Variants in LRP1B observed in about 807,000 individuals in gnomAD.
The protein encoded by LRP1B is low-density lipoprotein receptor-related protein 1B.
A neutral mutation model predicts 556.6 loss-of-function variants in LRP1B; 217 were observed. That is an observed-to-expected ratio of 0.39 (90% CI 0.35 to 0.44). The LOEUF is 0.44. Among genes scored for constraint, LRP1B ranks in the 20% least tolerant of loss-of-function variants. The pLI is 1.00. For missense variants in LRP1B, 5,053 were observed against 5,620.8 expected (o/e 0.90, Z 3.23); for synonymous variants, 2,047 against 1,865.8 (o/e 1.10, Z -2.50).
intron 59 of LRP1B, among the ~76,000 whole-genome samples, chr2:140,480,592 C>T (rs1249711981): frequency 6.6e-6 from 1 of 151,858 alleles, no homozygotes; most frequent in Non-Finnish European, 1.5e-5. Context: ...AGGCCCGTGC[C>T]ACCAAGCCCG....
chr2:140,646,536 G>T (rs13018292), intron 41 of LRP1B, among the ~76,000 whole-genome samples: 11,131 of 152,182 alleles, frequency 0.073, 520 homozygotes, highest in East Asian at 0.18. Flanking sequence ...TTTGATGCCA[G>T]TCTATGCACT....
At chr2:142,056,833 C>T (rs1704691950) in intron 1 of LRP1B, among the ~76,000 whole-genome samples, 1 of 152,048 alleles carries the variant, frequency 6.6e-6, no homozygotes, top group Admixed American at 6.6e-5. Flanking sequence ...TCTCCCATAT[C>T]TTTCTTCCCC....
chr2:140,571,336 C>CA (rs1681314188), intron 43 of LRP1B, among the ~76,000 whole-genome samples: 2 of 151,592 alleles, frequency 1.3e-5, no homozygotes, highest in African/African-American at 2.4e-5. Context: ...GATTAAAATA[C>CA]AAAAAATGGT....
At chr2:141,056,002 A>G (rs1037677749) in intron 9 of LRP1B, among the ~76,000 whole-genome samples, 1 of 151,828 alleles carries the variant, frequency 6.6e-6, no homozygotes, top group Admixed American at 6.6e-5. Flanking sequence ...GGAATAATAT[A>G]AGTAAGATTT....
chr2:141,104,420 G>A (rs1176043544), intron 7 of LRP1B, among the ~76,000 whole-genome samples: 1 of 152,088 alleles, frequency 6.6e-6, no homozygotes, highest in Non-Finnish European at 1.5e-5. Context: ...ATCGTGACTG[G>A]TGGAACTATC....
At chr2:142,115,829 TC>T (rs56008588) in intron 1 of LRP1B, among the ~76,000 whole-genome samples, 2,317 of 8,440 alleles carry the variant, frequency 0.27, 1,008 homozygotes, top group East Asian at 0.91. Context: ...GTAATATATA[TC>T]ATATATATGT....
intron 31 of LRP1B, among the ~76,000 whole-genome samples, chr2:140,833,462 G>C (rs534153045): frequency 1.5e-4 from 23 of 152,196 alleles, no homozygotes; most frequent in African/African-American, 3.9e-4. Context: ...GTTTTTATTA[G>C]TGTTTCTTAA....
At chr2:140,826,669 T>C (rs1691519863) in intron 31 of LRP1B, among the ~76,000 whole-genome samples, 1 of 152,224 alleles carries the variant, frequency 6.6e-6, no homozygotes, top group Middle Eastern at 3.4e-3. Flanking sequence ...CCTAGACTCA[T>C]GGTTTCTGCA....
chr2:141,901,829 T>A (rs938570159), intron 1 of LRP1B, among the ~76,000 whole-genome samples: 1 of 151,902 alleles, frequency 6.6e-6, no homozygotes, highest in African/African-American at 2.4e-5. Flanking sequence ...CAGTGCAACA[T>A]AATAATTAAT....
chr2:141,951,570 T>G (rs1001504150), intron 1 of LRP1B, among the ~76,000 whole-genome samples: 6 of 152,274 alleles, frequency 3.9e-5, no homozygotes, highest in African/African-American at 1.4e-4. Context: ...ACAGTTAGTA[T>G]AATATATAAG....
intron 7 of LRP1B, among the ~76,000 whole-genome samples, chr2:141,082,071 A>G (rs9287303): frequency 0.02 from 3,097 of 152,256 alleles, 111 homozygotes; most frequent in African/African-American, 0.07. Flanking sequence ...AGATAAAGGA[A>G]CAGTTCTCTG....
chr2:140,381,447 C>G (rs117256296), intron 67 of LRP1B, among the ~76,000 whole-genome samples: 2 of 152,046 alleles, frequency 1.3e-5, no homozygotes, highest in African/African-American at 2.4e-5. Flanking sequence ...GAACTCTACA[C>G]GGGAACAATT....
At position 141,936,166 on chromosome 2, in the gene LRP1B, T is replaced by C. The variant is rs1158392031; in HGVS notation, c.83-125765A>G. Among the ~76,000 whole-genome samples the C allele has an allele frequency of 5.3e-5, 8 of 152,288 alleles. 1 individual carries two copies. In the South Asian group the frequency reaches 1.2e-3, roughly 24 times the overall value. The stretch of plus-strand genomic sequence containing the variant: ...TCTGTATAAGATCAGACACAAGATA[T>C]GTTTTTTCCTTCTACCAAAGGCATT... On this transcript the variant is annotated intron_variant, in intron 1 of 90. Transcript: ENST00000389484.
chr2:141,988,878 T>TA (rs1223737801), intron 1 of LRP1B, among the ~76,000 whole-genome samples: 3 of 152,078 alleles, frequency 2.0e-5, no homozygotes, highest in Non-Finnish European at 4.4e-5. Flanking sequence ...ATATCATTAC[T>TA]AATATAACAG....
At chr2:141,107,243 G>A (rs910662018) in intron 7 of LRP1B, among the ~76,000 whole-genome samples, 3 of 151,890 alleles carry the variant, frequency 2.0e-5, no homozygotes, top group Admixed American at 6.6e-5. Flanking sequence ...AAATTATGGA[G>A]ATAAAAATAA....
intron 31 of LRP1B, among the ~76,000 whole-genome samples, chr2:140,828,931 G>A (rs1691619332): frequency 6.6e-6 from 1 of 151,814 alleles, no homozygotes; most frequent in Non-Finnish European, 1.5e-5. Flanking sequence ...GTAAAGAGAT[G>A]GAAGAAGATA....
chr2:141,068,782 C>A (rs1438368488), intron 7 of LRP1B, among the ~76,000 whole-genome samples: 1 of 151,908 alleles, frequency 6.6e-6, no homozygotes, highest in African/African-American at 2.4e-5. Flanking sequence ...GACTTCCTTA[C>A]CCTCACTATC....
At chr2:140,326,971 T>C (rs893330415) in intron 79 of LRP1B, among the ~76,000 whole-genome samples, 2 of 152,168 alleles carry the variant, frequency 1.3e-5, no homozygotes, top group Non-Finnish European at 2.9e-5. Flanking sequence ...GAAAGTAAAC[T>C]TCCTTCAATA....
At chr2:140,597,903 G>A (rs931344784) in intron 43 of LRP1B, among the ~76,000 whole-genome samples, 2 of 152,126 alleles carry the variant, frequency 1.3e-5, no homozygotes, top group African/African-American at 2.4e-5. Flanking sequence ...GTGGAGGCAT[G>A]AGGAGCCTGA....
Sources: allele counts gnomAD v4.1 joint callset (sites outside exome capture counted in the v4.1 genomes callset), GRCh38; gene constraint gnomAD v4.1.1; transcripts MANE v1.5; gene names NCBI Gene and HGNC (gene_info 2026-07-23, HGNC 2026-07-21).